FKBP14: variants seen among roughly 807,000 people sequenced by gnomAD.
FKBP14 encodes FKBP prolyl isomerase 14.
Under a neutral mutation model 21.6 loss-of-function variants are expected in FKBP14, and 20 were observed. The ratio of observed to expected loss-of-function variants is 0.92; its 90% confidence interval spans 0.65 to 1.34. FKBP14 has a LOEUF of 1.34. Ranked by LOEUF, FKBP14 falls within the 40% of genes most tolerant of loss-of-function variation. The pLI is 0.00. For synonymous variants in FKBP14, 79 were observed against 86.7 expected (o/e 0.91, Z 0.49); for missense variants, 253 against 249.0 (o/e 1.02, Z -0.11).
chr7:30,021,055 ATATT>A (rs1790018408), intron 2 of FKBP14, among the ~76,000 whole-genome samples: 2 of 152,338 alleles, frequency 1.3e-5, no homozygotes, highest in South Asian at 4.1e-4. Context: ...TATGAAGTCT[ATATT>A]TATACTATAT....
chr7:30,025,927 C>T (rs1163717241), intron 1 of FKBP14, among the ~76,000 whole-genome samples: 4 of 152,174 alleles, frequency 2.6e-5, no homozygotes. Context: ...TGAACATCAC[C>T]TACACCACAT....
chr7:30,020,314 T>C (rs1418884926), intron 2 of FKBP14: 2 of 1,272,318 alleles, frequency 1.6e-6, no homozygotes, highest in South Asian at 1.3e-5. Flanking sequence ...ACTACAAAAT[T>C]AGTGTTAAAT....
In FKBP14 at chr7:30,010,939, G is replaced by A. The variant is rs1455635546; in HGVS notation, c.*3796C>T. On this transcript the variant is annotated 3_prime_UTR_variant, in exon 4 of 4. Coordinates refer to ENST00000222803, the MANE Select transcript of FKBP14 (RefSeq NM_017946.4). Reference sequence around the variant, plus strand: ...CTATGCAATGTGTGTTTTAAGCTACGTTATTACTAGAAGAGTCCAAAAATT... The same window carrying A: ...CTATGCAATGTGTGTTTTAAGCTACATTATTACTAGAAGAGTCCAAAAATT... The A allele has an allele frequency of 6.6e-6, 1 of 152,090 alleles. No homozygotes were observed. Among genetic ancestry groups the A allele is most frequent in the African/African-American group, 2.4e-5 (1 of 41,412 alleles). 9.4% of individuals were successfully genotyped at this position (152,090 alleles called of 1,614,324 possible). A position where few individuals can be genotyped will look rare whatever the true frequency, so the allele number is the denominator to read the frequency against.
At position 30,020,274 on chromosome 7, in the gene FKBP14, CAA is replaced by C. The variant is rs1313452618; in HGVS notation, c.350-1153_350-1152del. On this transcript the variant is annotated intron_variant, in intron 2 of 3. Coordinates refer to ENST00000222803, the MANE Select transcript of FKBP14 (RefSeq NM_017946.4). ...GTTGTTGATAAAACTGGTATCTTTCCAAAAGAGGCATGCAAGCATGTACTAAA... is the reference window on the plus strand; with the variant it reads ...GTTGTTGATAAAACTGGTATCTTTCCAAGAGGCATGCAAGCATGTACTAAA... 6 of 1,276,228 alleles carry C rather than the reference CAA, an allele frequency of 4.7e-6. No individual in the cohort carries two copies. The Admixed American group carries it at 1.5e-4, about 33-fold the overall frequency. The allele number at this position is 1,276,228 out of a possible 1,614,324, so 79.1% of individuals were successfully genotyped here. A position where few individuals can be genotyped will look rare whatever the true frequency, so the allele number is the denominator to read the frequency against.
chr7:30,022,030 A>C (rs903564418), intron 2 of FKBP14, among the ~76,000 whole-genome samples: 1 of 152,172 alleles, frequency 6.6e-6, no homozygotes, highest in African/African-American at 2.4e-5. Flanking sequence ...ATGTCACTCT[A>C]TGATTTTTTT....
At chr7:30,022,225 G>C (rs925060215) in intron 2 of FKBP14, among the ~76,000 whole-genome samples, 1 of 152,096 alleles carries the variant, frequency 6.6e-6, no homozygotes, top group African/African-American at 2.4e-5. Context: ...TACGTTAATG[G>C]ATCTTTCTCT....
At position 30,014,872 on chromosome 7, in the gene FKBP14, C is replaced by G; in HGVS notation, c.499G>C (p.Glu167Gln). 6.3e-7 allele frequency: 1 copy of G among 1,594,272 alleles called. No individual in the cohort carries two copies. The stretch of plus-strand genomic sequence containing the variant: ...ACCACCGCACCATGTTTTTCAAACT[C>G]CTTCTTTAAATATGCTTTAACCTAC... The part of the protein sequence containing the change: ...KDEVKAYLKK[E>Q]FEKHGAVVNE... The change falls in exon 4 of 4, where the codon GAG becomes CAG. Residue 167 changes from glutamate to glutamine, a missense_variant. Transcript: ENST00000222803.
intron 3 of FKBP14, 67 bp downstream of exon 3, chr7:30,018,928 CA>C: frequency 3.9e-6 from 6 of 1,528,378 alleles, no homozygotes; most frequent in Non-Finnish European, 5.3e-6. Flanking sequence ...GTTACAAAAA[CA>C]AAACAAAACA....
At chr7:30,018,633 A>T (rs555394106) in intron 3 of FKBP14, among the ~76,000 whole-genome samples, 1 of 152,370 alleles carries the variant, frequency 6.6e-6, no homozygotes. Context: ...ATTTCTCAGG[A>T]CAGCTAGCTT....
chr7:30,009,595 T>G (rs569694903), downstream of FKBP14, among the ~76,000 whole-genome samples: 9 of 152,192 alleles, frequency 5.9e-5, no homozygotes, highest in South Asian at 2.1e-4. Flanking sequence ...GCCACCAAAT[T>G]CCTTTTTCTC....
Position 30,026,558 on chromosome 7 carries a change from C to T in FKBP14, c.-50G>A, listed in dbSNP as rs779744150. The T allele has an allele frequency of 6.5e-7, 1 of 1,534,174 alleles. No homozygotes were observed. The highest frequency in any genetic ancestry group is 8.8e-7 in the Non-Finnish European group (1 of 1,132,888). ...CCTACAAAAGCAGCGAAAGGTCCCT[C>T]GACTTCATAGATTTAAGAACGTAGT... On this transcript the variant is annotated 5_prime_UTR_variant, in exon 1 of 4. Coordinates refer to ENST00000222803, the MANE Select transcript of FKBP14 (RefSeq NM_017946.4).
At chr7:30,015,944 C>G (rs906150524) in intron 3 of FKBP14, among the ~76,000 whole-genome samples, 1 of 151,904 alleles carries the variant, frequency 6.6e-6, no homozygotes, top group African/African-American at 2.4e-5. Flanking sequence ...GAATCTTGCT[C>G]TGTCACCCAG....
chr7:30,022,459 T>G, intron 2 of FKBP14: 1 of 461,406 alleles, frequency 2.2e-6, no homozygotes, highest in East Asian at 3.4e-5. Context: ...CTTTTTTTAT[T>G]GTTAGCATAG....
chr7:30,015,872 G>A (rs574086830), intron 3 of FKBP14, among the ~76,000 whole-genome samples: 9 of 151,944 alleles, frequency 5.9e-5, no homozygotes, highest in East Asian at 2.0e-4. Flanking sequence ...TGATCTGCCC[G>A]CCTCGGCCTC....
chr7:30,007,430 G>A (rs1250460432), downstream of FKBP14, among the ~76,000 whole-genome samples: 1 of 151,970 alleles, frequency 6.6e-6, no homozygotes, highest in Non-Finnish European at 1.5e-5. Flanking sequence ...GGATGGTCTC[G>A]ATCTCTTGAC....
At chr7:30,018,703 G>A (rs901534304) in intron 3 of FKBP14, among the ~76,000 whole-genome samples, 1 of 152,146 alleles carries the variant, frequency 6.6e-6, no homozygotes, top group African/African-American at 2.4e-5. Context: ...AAAGACCCAA[G>A]GGTAAGCATA....
At chr7:30,022,478 T>A (rs193185660) in intron 2 of FKBP14, 187 bp downstream of exon 2, 5 of 508,138 alleles carry the variant, frequency 9.8e-6, no homozygotes, top group Non-Finnish European at 1.4e-5. Context: ...AGTTGCCCAT[T>A]TAGACATTAC....
At chr7:30,016,763 A>G (rs1410177207) in intron 3 of FKBP14, among the ~76,000 whole-genome samples, 2 of 152,160 alleles carry the variant, frequency 1.3e-5, no homozygotes, top group African/African-American at 4.8e-5. Flanking sequence ...GATTCACCAC[A>G]ATGAAAATCA....
chr7:30,016,242 C>CT (rs1789881607), intron 3 of FKBP14, among the ~76,000 whole-genome samples: 1 of 152,038 alleles, frequency 6.6e-6, no homozygotes, highest in South Asian at 2.1e-4. Context: ...ATAGTGGCAT[C>CT]TTTGACTTGA....
Sources: gnomAD v4.1 joint callset for allele counts (sites outside exome capture counted in the v4.1 genomes callset) on GRCh38, gnomAD v4.1.1 for gene constraint, MANE v1.5 for transcripts, NCBI Gene and HGNC (gene_info 2026-07-23, HGNC 2026-07-21) for gene names.